Variants in IL22RA2 observed in about 807,000 individuals in gnomAD.
IL22RA2 encodes interleukin 22 receptor subunit alpha 2.
A neutral mutation model predicts 30.7 loss-of-function variants in IL22RA2; 39 were observed. That is an observed-to-expected ratio of 1.27 (90% CI 0.98 to 1.66). The LOEUF (loss-of-function observed/expected upper bound fraction) is 1.66, where lower values mean the gene tolerates loss of function less well. IL22RA2 is among the 40% of genes most tolerant of loss of function. The probability of loss-of-function intolerance (pLI) is 0.00; values close to 1 mark genes in which losing one functional copy is unlikely to be tolerated. For synonymous variants in IL22RA2, 103 were observed against 105.0 expected (o/e 0.98, Z 0.11); for missense variants, 315 against 312.7 (o/e 1.01, Z -0.05).
intron 1 of IL22RA2, among the ~76,000 whole-genome samples, chr6:137,171,541 G>A (rs1419506557): frequency 2.6e-5 from 4 of 152,176 alleles, no homozygotes; most frequent in Admixed American, 2.0e-4. Context: ...TCTGCATACA[G>A]ACAGGAGCAG....
At chr6:137,159,967 A>T (rs933195345) in intron 2 of IL22RA2, among the ~76,000 whole-genome samples, 2 of 152,212 alleles carry the variant, frequency 1.3e-5, no homozygotes, top group African/African-American at 2.4e-5. Flanking sequence ...TAGTGTGAAT[A>T]CTGTTATTTG....
At chr6:137,163,218 A>G (rs995721459) in intron 1 of IL22RA2, among the ~76,000 whole-genome samples, 1 of 152,186 alleles carries the variant, frequency 6.6e-6, no homozygotes, top group Non-Finnish European at 1.5e-5. Context: ...TTCCTGCCTC[A>G]TGTAGTTCCC....
At chr6:137,168,430 C>T (rs28741408) in intron 1 of IL22RA2, among the ~76,000 whole-genome samples, 2,739 of 152,212 alleles carry the variant, frequency 0.018, 54 homozygotes, top group African/African-American at 0.06. Context: ...TTCACTTACG[C>T]GCATAAAGGG....
chr6:137,144,702 G>A lies in IL22RA2; in HGVS notation c.*922C>T, dbSNP rs1412639842. ...TCTCTGTATGGGGTCGACCCCAGCAGTTCCCAATAAACCATCATTCATGGG... is the reference window on the plus strand; with the variant it reads ...TCTCTGTATGGGGTCGACCCCAGCAATTCCCAATAAACCATCATTCATGGG... On this transcript the variant is annotated 3_prime_UTR_variant, in exon 7 of 7. Transcript: ENST00000296980. The A allele has an allele frequency of 6.6e-6, 1 of 152,208 alleles. No homozygotes were observed. Among genetic ancestry groups the A allele is most frequent in the African/African-American group, 2.4e-5 (1 of 41,440 alleles). The allele number at this position is 152,208 out of a possible 1,614,324, so 9.4% of individuals were successfully genotyped here. A position where few individuals can be genotyped will look rare whatever the true frequency, so the allele number is the denominator to read the frequency against.
intron 1 of IL22RA2, among the ~76,000 whole-genome samples, chr6:137,171,522 G>T (rs1778733429): frequency 6.6e-6 from 1 of 152,212 alleles, no homozygotes; most frequent in Non-Finnish European, 1.5e-5. Context: ...AGAAAGGGAA[G>T]AATGGCCTTC....
chr6:137,157,559 A>T (rs1482994994), intron 3 of IL22RA2, among the ~76,000 whole-genome samples: 1 of 152,124 alleles, frequency 6.6e-6, no homozygotes, highest in Non-Finnish European at 1.5e-5. Context: ...ATGGGATAAA[A>T]ATTGCTACTT....
At chr6:137,161,192 AT>A (rs1360549952) in intron 2 of IL22RA2, among the ~76,000 whole-genome samples, 1 of 152,224 alleles carries the variant, frequency 6.6e-6, no homozygotes, top group African/African-American at 2.4e-5. Context: ...GTGACCTAGA[AT>A]CCCCATTCTA....
intron 1 of IL22RA2, among the ~76,000 whole-genome samples, chr6:137,167,109 C>A (rs1358488690): frequency 6.6e-6 from 1 of 152,220 alleles, no homozygotes; most frequent in Non-Finnish European, 1.5e-5. Context: ...TTTCGACTGC[C>A]TCTAACTTTA....
At chr6:137,158,044 G>A (rs1488236776) in intron 3 of IL22RA2, among the ~76,000 whole-genome samples, 3 of 151,916 alleles carry the variant, frequency 2.0e-5, no homozygotes, top group African/African-American at 4.8e-5. Flanking sequence ...TCCAACATTC[G>A]CCTGACAAAT....
chr6:137,168,069 C>T (rs1002664336), intron 1 of IL22RA2, among the ~76,000 whole-genome samples: 2 of 152,172 alleles, frequency 1.3e-5, no homozygotes, highest in Non-Finnish European at 2.9e-5. Context: ...TAAGTTTAAT[C>T]ATATTAGTAA....
At chr6:137,163,090 T>G (rs1436191715) in intron 1 of IL22RA2, among the ~76,000 whole-genome samples, 1 of 152,214 alleles carries the variant, frequency 6.6e-6, no homozygotes, top group Non-Finnish European at 1.5e-5. Flanking sequence ...ACAGGCCCAG[T>G]GAGTTCCTGC....
chr6:137,154,018 A>C (rs1241401191), intron 5 of IL22RA2, among the ~76,000 whole-genome samples: 1 of 151,870 alleles, frequency 6.6e-6, no homozygotes, highest in Non-Finnish European at 1.5e-5. Context: ...GCACATCTTT[A>C]TATCTATACA....
At chr6:137,164,895 C>A (rs115809116) in intron 1 of IL22RA2, among the ~76,000 whole-genome samples, 12,059 of 152,226 alleles carry the variant, frequency 0.079, 1,165 homozygotes, top group African/African-American at 0.23. Flanking sequence ...TAGAGAGAAG[C>A]CTCAGGCTCT....
intron 2 of IL22RA2, among the ~76,000 whole-genome samples, chr6:137,160,725 C>T (rs117834004): frequency 3.4e-3 from 524 of 152,312 alleles, no homozygotes; most frequent in South Asian, 0.023. Context: ...TTTTTATTAT[C>T]GCATTCTACA....
intron 5 of IL22RA2, among the ~76,000 whole-genome samples, chr6:137,150,640 T>G (rs796382833): frequency 9.8e-5 from 15 of 152,316 alleles, no homozygotes; most frequent in African/African-American, 3.6e-4. Flanking sequence ...TGGCTTAGAC[T>G]GAAGGAAACT....
intron 1 of IL22RA2, among the ~76,000 whole-genome samples, chr6:137,163,499 C>A (rs1454151061): frequency 6.6e-6 from 1 of 152,170 alleles, no homozygotes; most frequent in East Asian, 1.9e-4. Context: ...AGGAGAACAG[C>A]CCTTCCACGT....
intron 1 of IL22RA2, among the ~76,000 whole-genome samples, chr6:137,171,393 C>T (rs930984898): frequency 3.3e-5 from 5 of 152,122 alleles, no homozygotes; most frequent in African/African-American, 1.2e-4. Flanking sequence ...ACTTTGCCTC[C>T]CACCCTCCAT....
At chr6:137,169,641 G>A (rs1429024172) in intron 1 of IL22RA2, among the ~76,000 whole-genome samples, 1 of 152,186 alleles carries the variant, frequency 6.6e-6, no homozygotes, top group Non-Finnish European at 1.5e-5. Context: ...GGCACAAGAT[G>A]GGTCATGGGG....
intron 4 of IL22RA2, 115 bp downstream of exon 4, chr6:137,156,644 A>G (rs1210087200): frequency 7.2e-7 from 1 of 1,385,038 alleles, no homozygotes; most frequent in East Asian, 2.3e-5. Flanking sequence ...AATCCCTTAG[A>G]GACAGGAATG....
Sources: allele counts gnomAD v4.1 joint callset (sites outside exome capture counted in the v4.1 genomes callset), GRCh38; gene constraint gnomAD v4.1.1; transcripts MANE v1.5; gene names NCBI Gene and HGNC (gene_info 2026-07-23, HGNC 2026-07-21).